CNTNAP5: variants seen among roughly 807,000 people sequenced by gnomAD.
CNTNAP5 encodes the protein contactin-associated protein-like 5.
In CNTNAP5, 72 loss-of-function variants were observed where a neutral mutation model predicts 150.2. That is an observed-to-expected ratio of 0.48 (90% CI 0.40 to 0.58). The LOEUF (loss-of-function observed/expected upper bound fraction) is 0.58. CNTNAP5 is among the 20% of genes least tolerant of loss of function. The pLI, the probability that CNTNAP5 is intolerant of heterozygous loss-of-function variation, is 0.00. For missense variants in CNTNAP5, 1,636 were observed against 1,626.2 expected (o/e 1.01, Z -0.10); for synonymous variants, 672 against 619.8 (o/e 1.08, Z -1.25).
chr2:124,144,524 G>C (rs1684195509), intron 1 of CNTNAP5, among the ~76,000 whole-genome samples: 2 of 11,016 alleles, frequency 1.8e-4, no homozygotes, highest in South Asian at 6.3e-3. Context: ...ACAAACCTGA[G>C]AAAAACAAGC....
chr2:124,064,971 A>G (rs1159821797), intron 1 of CNTNAP5, among the ~76,000 whole-genome samples: 1 of 152,106 alleles, frequency 6.6e-6, no homozygotes, highest in Non-Finnish European at 1.5e-5. Flanking sequence ...CTGTACTTAC[A>G]TTATCTCACT....
chr2:124,376,947 C>G (rs1264812516), intron 3 of CNTNAP5, among the ~76,000 whole-genome samples: 2 of 152,012 alleles, frequency 1.3e-5, no homozygotes, highest in African/African-American at 4.8e-5. Context: ...AATATTGATA[C>G]CTATGCATAG....
At chr2:124,158,110 C>T (rs1419740057) in intron 1 of CNTNAP5, among the ~76,000 whole-genome samples, 1 of 152,126 alleles carries the variant, frequency 6.6e-6, no homozygotes, top group African/African-American at 2.4e-5. Context: ...AATCCTGGAG[C>T]CACTGAACCT....
intron 13 of CNTNAP5, among the ~76,000 whole-genome samples, chr2:124,686,793 A>G (rs1679201678): frequency 6.6e-6 from 1 of 152,212 alleles, no homozygotes; most frequent in African/African-American, 2.4e-5. Flanking sequence ...GATATAATCT[A>G]GACAAGTCGA....
At chr2:124,146,823 G>C (rs1426612331) in intron 1 of CNTNAP5, among the ~76,000 whole-genome samples, 2 of 152,076 alleles carry the variant, frequency 1.3e-5, no homozygotes, top group African/African-American at 4.8e-5. Flanking sequence ...AGTTTTATTT[G>C]TAAAAGTGAT....
intron 19 of CNTNAP5, among the ~76,000 whole-genome samples, chr2:124,815,695 A>T (rs1682346585): frequency 6.6e-6 from 1 of 152,108 alleles, no homozygotes; most frequent in South Asian, 2.1e-4. Context: ...ATGAAAATAT[A>T]CAACTCCAGT....
In CNTNAP5 at chr2:124,784,251, C is replaced by T. The variant is rs993484250; in HGVS notation, c.2753-5651C>T. Reference sequence around the variant, plus strand: ...CTGACCTGATGCAGTCTGTGTTTTTCCAGGGGCTTCTCTGAAAATCAGTTT... The same window carrying T: ...CTGACCTGATGCAGTCTGTGTTTTTTCAGGGGCTTCTCTGAAAATCAGTTT... On this transcript the variant is annotated intron_variant, in intron 17 of 23. Coordinates refer to ENST00000682447, the MANE Select transcript of CNTNAP5 (RefSeq NM_001367498.1). 6.6e-5 allele frequency among the ~76,000 whole-genome samples: 10 copies of T among 152,228 alleles called. No individual in the cohort carries two copies. In the South Asian group the frequency reaches 1.0e-3, roughly 16 times the overall value.
At chr2:124,835,106 C>A (rs924770471) in intron 19 of CNTNAP5, among the ~76,000 whole-genome samples, 1 of 152,042 alleles carries the variant, frequency 6.6e-6, no homozygotes. Flanking sequence ...CCAATAGATA[C>A]TTAAATGCAA....
At chr2:124,907,266 G>A (rs1248129179) in intron 22 of CNTNAP5, among the ~76,000 whole-genome samples, 3 of 152,026 alleles carry the variant, frequency 2.0e-5, no homozygotes, top group African/African-American at 7.2e-5. Flanking sequence ...TTCTGGTACA[G>A]TGTAGCATAT....
rs1482979885 is a variant in CNTNAP5 at position 124,698,383 on chromosome 2, C to G, written c.2078-48846C>G. The stretch of plus-strand genomic sequence containing the variant: ...CCAAGTAGACGAGAGGATACACACA[C>G]ACACACACACACACACACACACACG... On this transcript the variant is annotated intron_variant, in intron 13 of 23. Transcript: ENST00000682447. 2.0e-5 allele frequency among the ~76,000 whole-genome samples: 3 copies of G among 151,326 alleles called. No homozygotes were observed. The East Asian group carries it at 5.8e-4, about 29-fold the overall frequency.
intron 2 of CNTNAP5, among the ~76,000 whole-genome samples, chr2:124,237,886 G>C (rs1036616083): frequency 6.6e-6 from 1 of 152,072 alleles, no homozygotes; most frequent in African/African-American, 2.4e-5. Flanking sequence ...CAATTGCTTA[G>C]AATTCTCCAT....
chr2:124,576,925 C>G (rs559445312), intron 11 of CNTNAP5, among the ~76,000 whole-genome samples: 1 of 152,128 alleles, frequency 6.6e-6, no homozygotes, highest in Non-Finnish European at 1.5e-5. Context: ...GCCATCTGTG[C>G]GTAGCTTTTG....
chr2:124,808,755 G>A (rs994625099), intron 19 of CNTNAP5, among the ~76,000 whole-genome samples: 4 of 152,142 alleles, frequency 2.6e-5, no homozygotes, highest in African/African-American at 2.4e-5. Flanking sequence ...CTGCCCCAAT[G>A]TTTGCTGAAC....
At chr2:124,562,267 C>T (rs1005528733) in intron 10 of CNTNAP5, among the ~76,000 whole-genome samples, 5 of 152,156 alleles carry the variant, frequency 3.3e-5, no homozygotes, top group African/African-American at 7.2e-5. Flanking sequence ...GTTCATGCTT[C>T]GTATCTTAAA....
At chr2:124,434,428 C>G (rs1179902370) in intron 4 of CNTNAP5, 56 bp from the exon 5 acceptor site, 4 of 1,260,744 alleles carry the variant, frequency 3.2e-6, no homozygotes, top group Admixed American at 3.4e-5. Context: ...GAAACAGTAA[C>G]AGCAGTCATG....
chr2:124,146,061 AG>A (rs1201790817), intron 1 of CNTNAP5, among the ~76,000 whole-genome samples: 1 of 152,128 alleles, frequency 6.6e-6, no homozygotes, highest in Non-Finnish European at 1.5e-5. Flanking sequence ...GCCCACTTAA[AG>A]CAGATAGGAC....
At chr2:124,450,874 A>G (rs931181574) in intron 6 of CNTNAP5, among the ~76,000 whole-genome samples, 12 of 150,942 alleles carry the variant, frequency 8.0e-5, no homozygotes, top group Admixed American at 1.3e-4. Context: ...TGAAAAATAT[A>G]TATGATTCAG....
At chr2:124,133,046 A>G (rs944934389) in intron 1 of CNTNAP5, among the ~76,000 whole-genome samples, 4 of 152,230 alleles carry the variant, frequency 2.6e-5, no homozygotes, top group Non-Finnish European at 5.9e-5. Context: ...CCATTGTAGA[A>G]GCCTGCCTGG....
chr2:124,869,305 T>A (rs573792799), intron 20 of CNTNAP5, among the ~76,000 whole-genome samples: 2 of 152,086 alleles, frequency 1.3e-5, no homozygotes. Context: ...GGAAAATGAG[T>A]TCCTGCTTCC....
Sources: allele counts gnomAD v4.1 joint callset (sites outside exome capture counted in the v4.1 genomes callset), GRCh38; gene constraint gnomAD v4.1.1; transcripts MANE v1.5; gene names NCBI Gene and HGNC (gene_info 2026-07-23, HGNC 2026-07-21).